ALDH18A1: variants seen among roughly 807,000 people sequenced by gnomAD.
The protein encoded by ALDH18A1 is delta-1-pyrroline-5-carboxylate synthase.
A neutral mutation model predicts 88.8 loss-of-function variants in ALDH18A1; 44 were observed. The ratio of observed to expected loss-of-function variants is 0.50; its 90% CI spans 0.39 to 0.64. ALDH18A1 has a LOEUF of 0.64. ALDH18A1 is among the 30% of genes least tolerant of loss of function. The pLI is 0.00. For synonymous variants in ALDH18A1, 331 were observed against 372.1 expected, an observed-to-expected ratio of 0.89 and a Z score of 1.27; for missense variants, 782 against 1,009.5, an observed-to-expected ratio of 0.77 and a Z score of 3.05.
intron 16 of ALDH18A1, among the ~76,000 whole-genome samples, chr10:95,610,611 T>C (rs1409633414): frequency 2.0e-5 from 3 of 152,220 alleles, no homozygotes; most frequent in Admixed American, 1.3e-4. Context: ...CTGCTAGCTT[T>C]GTGACCTTCT....
chr10:95,632,901 T>C, intron 7 of ALDH18A1, 58 bp downstream of exon 7: 2 of 1,409,624 alleles, frequency 1.4e-6, no homozygotes, highest in Non-Finnish European at 2.0e-6. Flanking sequence ...ACTCATGTGC[T>C]CACATATGTA....
intron 5 of ALDH18A1, among the ~76,000 whole-genome samples, 171 bp downstream of exon 5, chr10:95,636,922 C>G (rs1377669451): frequency 6.6e-6 from 1 of 152,228 alleles, no homozygotes; most frequent in Admixed American, 6.5e-5. Flanking sequence ...ATATTATCCC[C>G]ATTTTCAGAT....
At chr10:95,628,785 C>A in intron 7 of ALDH18A1, 1 of 401,054 alleles carries the variant, frequency 2.5e-6, no homozygotes, top group Non-Finnish European at 4.7e-6. Context: ...ATATTCCTGG[C>A]AAGGTGTCCT....
Position 95,637,300 on chromosome 10 carries a change from T to TGG in ALDH18A1, c.438_439dup (p.Gln147ProfsTer3), listed in dbSNP as rs761472585. The TGG allele has an allele frequency of 6.2e-7, 1 of 1,614,122 alleles. No homozygotes were observed. The highest frequency in any genetic ancestry group is 1.3e-5 in the African/African-American group (1 of 74,938). On this transcript the variant is annotated frameshift_variant, in exon 4 of 18. Transcript: ENST00000371224. LOFTEE classifies it high-confidence loss of function. The stretch of plus-strand genomic sequence containing the variant: ...AGCAGCACTCACCATTTCTTTCAGC[T>TGG]GGTTCTGCCCCGAGTGGAGGGCCTG...
chr10:95,629,202 A>AG (rs2097864598), intron 7 of ALDH18A1, among the ~76,000 whole-genome samples: 1 of 152,230 alleles, frequency 6.6e-6, no homozygotes, highest in South Asian at 2.1e-4. Flanking sequence ...AGCTTGGACA[A>AG]GAAAAAGTGG....
Position 95,642,436 on chromosome 10 carries a change from AGACCC to A in ALDH18A1, c.303+551_303+555del, listed in dbSNP as rs1285148744. Reference sequence around the variant, plus strand: ...GGAAACCAGCCTGAGCAACATAGCAAGACCCCTGTCTCTACGAAAAATACAAAAAT... The same window carrying A: ...GGAAACCAGCCTGAGCAACATAGCAACTGTCTCTACGAAAAATACAAAAAT... On this transcript the variant is annotated intron_variant, in intron 3 of 17. Transcript: ENST00000371224. Among the ~76,000 whole-genome samples the A allele has an allele frequency of 2.2e-3, 340 of 152,304 alleles. 4 individuals carry two copies. Among genetic ancestry groups the A allele is most frequent in the Middle Eastern group, 3.4e-3 (1 of 294 alleles).
At position 95,653,317 on chromosome 10, in the gene ALDH18A1, C is replaced by T. The variant is rs775286160; in HGVS notation, c.61G>A (p.Val21Ile). The change falls in exon 2 of 18, where the codon GTC (valine) becomes ATC (isoleucine). Residue 21 changes from valine to isoleucine, a missense_variant. Around this residue, in one of 3 missense-constraint regions of ALDH18A1, gnomAD observed 94 missense variants for 99.5 expected, o/e 0.94. Coordinates refer to ENST00000371224, the MANE Select transcript of ALDH18A1 (RefSeq NM_002860.4). ...GATCTGAAGACGGTTGTACACTTGACCCAGGGCAGAAGATGTTGGTTGAAG... is the reference window on the plus strand; with the variant it reads ...GATCTGAAGACGGTTGTACACTTGATCCAGGGCAGAAGATGTTGGTTGAAG... ...QPFNQHLLPW[V>I]KCTTVFRSHC... 6.2e-7 allele frequency: 1 copy of T among 1,612,374 alleles called. No individual in the cohort carries two copies. Among genetic ancestry groups the T allele is most frequent in the African/African-American group, 1.3e-5 (1 of 74,302 alleles).
At chr10:95,641,215 G>A in intron 3 of ALDH18A1, among the ~76,000 whole-genome samples, 1 of 152,192 alleles carries the variant, frequency 6.6e-6, no homozygotes, top group South Asian at 2.1e-4. Context: ...GAAGCCCCAG[G>A]AACAACCATA....
At chr10:95,635,294 C>T (rs1023808050) in intron 5 of ALDH18A1, among the ~76,000 whole-genome samples, 2 of 151,960 alleles carry the variant, frequency 1.3e-5, no homozygotes, top group African/African-American at 4.8e-5. Flanking sequence ...AATATAAACC[C>T]GTGTGTAGGA....
intron 11 of ALDH18A1, among the ~76,000 whole-genome samples, chr10:95,621,996 G>A (rs573461484): frequency 6.6e-6 from 1 of 152,232 alleles, no homozygotes; most frequent in Non-Finnish European, 1.5e-5. Context: ...TGTATGATAT[G>A]ATCTTATTTA....
intron 12 of ALDH18A1, among the ~76,000 whole-genome samples, chr10:95,618,582 G>A (rs1472142290): frequency 6.6e-6 from 1 of 152,262 alleles, no homozygotes; most frequent in Admixed American, 6.5e-5. Context: ...CCAAAGTGCT[G>A]GGATTACAGG....
At chr10:95,636,981 G>A (rs988039078) in intron 5 of ALDH18A1, 112 bp downstream of exon 5, 16 of 993,660 alleles carry the variant, frequency 1.6e-5, no homozygotes, top group Non-Finnish European at 2.2e-5. Flanking sequence ...CAGATCTCAA[G>A]TAGCAAGTGA....
intron 11 of ALDH18A1, among the ~76,000 whole-genome samples, chr10:95,623,904 T>C (rs920071053): frequency 6.6e-6 from 1 of 151,790 alleles, no homozygotes; most frequent in East Asian, 1.9e-4. Context: ...TTTCACCATG[T>C]TGGCCAGGCT....
intron 12 of ALDH18A1, 126 bp from the exon 13 acceptor site, chr10:95,616,740 T>C: frequency 2.4e-6 from 3 of 1,261,360 alleles, no homozygotes; most frequent in Non-Finnish European, 3.4e-6. Context: ...GCCTATGCTG[T>C]TTCATCTTCA....
intron 3 of ALDH18A1, among the ~76,000 whole-genome samples, chr10:95,638,452 T>C (rs1030145815): frequency 6.6e-6 from 1 of 152,190 alleles, no homozygotes; most frequent in African/African-American, 2.4e-5. Flanking sequence ...AAAACCACAA[T>C]TACTTTTGTG....
At chr10:95,630,635 C>G (rs1031230190) in intron 7 of ALDH18A1, among the ~76,000 whole-genome samples, 3 of 151,962 alleles carry the variant, frequency 2.0e-5, no homozygotes, top group Non-Finnish European at 4.4e-5. Context: ...CGCTTGAACC[C>G]AGGAGGCGGA....
intron 2 of ALDH18A1, among the ~76,000 whole-genome samples, chr10:95,652,722 G>A (rs906810912): frequency 2.0e-5 from 3 of 151,476 alleles, no homozygotes; most frequent in Admixed American, 2.0e-4. Context: ...GAGACAGAGT[G>A]AGACTCAAGA....
rs2097844639 is a variant in ALDH18A1, at chr10:95,616,581, A to C, written c.1501T>G (p.Leu501Val). The change falls in exon 13 of 18, where the codon TTG becomes GTG. Residue 501 changes from leucine (L) to valine (V), a missense_variant. By Grantham distance (32) the Leu-to-Val change is conservative. This residue lies in a region of ALDH18A1 where 556 missense variants were observed against 654.5 expected (regional missense o/e 0.85). Coordinates refer to ENST00000371224, the MANE Select transcript of ALDH18A1 (RefSeq NM_002860.4). ...GCCTCCTTCCCTCCTTTGAGTAACA[A>C]GCCATTGCCACTTGCGATAGCCAAA... ...AALAIASGNG[L>V]LLKGGKEAAH... 2 of 1,606,620 alleles carry C rather than the reference A, an allele frequency of 1.2e-6. No individual in the cohort carries two copies. The highest frequency in any genetic ancestry group is 3.4e-5 in the Admixed American group (2 of 58,952).
rs757876226 is a variant in ALDH18A1 at position 95,621,105 on chromosome 10, C to T, written c.1393G>A (p.Glu465Lys). The T allele has an allele frequency of 3.0e-5, 48 of 1,613,966 alleles. No homozygotes were observed. Among genetic ancestry groups the T allele is most frequent in the Non-Finnish European group, 3.8e-5 (45 of 1,180,030 alleles). The change falls in exon 12 of 18, where the codon GAA becomes AAA. Residue 465 changes from glutamate to lysine, a missense_variant. Coordinates refer to ENST00000371224, the MANE Select transcript of ALDH18A1 (RefSeq NM_002860.4). ...LRRTRIAKNL[E>K]LEQVTVPIGV... ...ATTGGGACAGTCACTTGTTCCAGTT[C>T]CAAGTTTTTGGCGATTCGGGTGCGG...
Sources: gnomAD v4.1 joint callset for allele counts (sites outside exome capture counted in the v4.1 genomes callset) on GRCh38, gnomAD v4.1.1 for gene constraint, gnomAD v4.1.1 regional missense constraint, MANE v1.5 for transcripts, NCBI Gene and HGNC (gene_info 2026-07-23, HGNC 2026-07-21) for gene names.